The following HSPA12A variants were observed in gnomAD, a reference collection of about 807,000 sequenced individuals.
The protein encoded by HSPA12A is heat shock protein family A (Hsp70) member 12A.
A neutral mutation model predicts 69.2 loss-of-function variants in HSPA12A; 28 were observed. That is an observed-to-expected ratio of 0.40 (90% CI 0.30 to 0.55). HSPA12A has a LOEUF of 0.55. Ranked by LOEUF, HSPA12A falls within the 20% of genes least tolerant of loss-of-function variation. The pLI, the probability that HSPA12A is intolerant of heterozygous loss-of-function variation, is 0.38. For synonymous variants in HSPA12A, 345 were observed against 370.5 expected, an observed-to-expected ratio of 0.93 and a Z score of 0.79; for missense variants, 686 against 900.7, an observed-to-expected ratio of 0.76 and a Z score of 3.05.
At chr10:116,823,288 T>C (rs767701490) in intron 2 of HSPA12A, among the ~76,000 whole-genome samples, 58 of 152,200 alleles carry the variant, frequency 3.8e-4, no homozygotes, top group Non-Finnish European at 7.3e-4. Context: ...TATAAAACAC[T>C]GTTGAAAGAC....
At chr10:116,850,502 C>A (rs188534115), upstream of HSPA12A, among the ~76,000 whole-genome samples, 3 of 151,988 alleles carry the variant, frequency 2.0e-5, no homozygotes, top group Non-Finnish European at 4.4e-5. Context: ...CCTTCCAGAT[C>A]TATAAGTAGT....
chr10:116,849,603 A>T (rs1460279615), exon 1 of HSPA12A: 9 of 1,549,494 alleles, frequency 5.8e-6, no homozygotes, highest in Non-Finnish European at 7.8e-6. Context: ...CTGTGGGACC[A>T]CTAGGGAGCT....
intron 2 of HSPA12A, among the ~76,000 whole-genome samples, chr10:116,772,650 T>G (rs1564814844): frequency 6.6e-6 from 1 of 152,036 alleles, no homozygotes; most frequent in African/African-American, 2.4e-5. Context: ...GTGGTTCTTC[T>G]TTTTCTTTTC....
At chr10:116,802,550 A>G (rs1364189242) in intron 2 of HSPA12A, among the ~76,000 whole-genome samples, 1 of 152,210 alleles carries the variant, frequency 6.6e-6, no homozygotes, top group East Asian at 1.9e-4. Context: ...CACTTTGTTT[A>G]AAATACATTA....
intron 2 of HSPA12A, among the ~76,000 whole-genome samples, chr10:116,783,221 G>A (rs1242561237): frequency 4.6e-5 from 7 of 152,194 alleles, no homozygotes; most frequent in Non-Finnish European, 4.4e-5. Flanking sequence ...CCACACCATC[G>A]ACGTGGTGCT....
chr10:116,681,947 G>C (rs1197605611), intron 7 of HSPA12A, 70 bp from the exon 8 acceptor site: 3 of 1,407,914 alleles, frequency 2.1e-6, no homozygotes, highest in African/African-American at 2.8e-5. Flanking sequence ...TTTGCAGTCA[G>C]TGAAGGCAAT....
intron 1 of HSPA12A, among the ~76,000 whole-genome samples, chr10:116,841,675 G>A (rs1008621348): frequency 6.6e-6 from 1 of 151,842 alleles, no homozygotes; most frequent in Non-Finnish European, 1.5e-5. Flanking sequence ...AATCAATACA[G>A]GTAAATTTGC....
chr10:116,762,346 G>A (rs1383955621), intron 2 of HSPA12A, among the ~76,000 whole-genome samples: 1 of 152,146 alleles, frequency 6.6e-6, no homozygotes, highest in African/African-American at 2.4e-5. Context: ...CTGCTGCAAA[G>A]GTGTGTATGT....
intron 10 of HSPA12A, among the ~76,000 whole-genome samples, chr10:116,678,922 AT>A (rs1347742243): frequency 1.3e-5 from 2 of 152,180 alleles, no homozygotes; most frequent in African/African-American, 4.8e-5. Context: ...TGTAGTCATC[AT>A]TTCATGATGG....
intron 2 of HSPA12A, among the ~76,000 whole-genome samples, chr10:116,792,613 CAAAAAAA>C (rs56344323): frequency 6.5e-5 from 7 of 108,020 alleles, no homozygotes; most frequent in Non-Finnish European, 1.1e-4. Context: ...CTTGCATCTA[CAAAAAAA>C]AAAAAAAAAA....
chr10:116,799,353 T>C (rs58421628), intron 2 of HSPA12A, among the ~76,000 whole-genome samples: 8,358 of 152,314 alleles, frequency 0.055, 564 homozygotes, highest in African/African-American at 0.16. Context: ...ACTCAACAGC[T>C]TATTTTGTTT....
intron 2 of HSPA12A, among the ~76,000 whole-genome samples, chr10:116,792,375 T>C (rs935539230): frequency 6.6e-6 from 1 of 151,262 alleles, no homozygotes; most frequent in Non-Finnish European, 1.5e-5. Context: ...TGAAAGTAGA[T>C]GAAGCAGAGG....
Position 116,710,707 on chromosome 10 carries a change from A to T in HSPA12A, c.41-3422T>A, listed in dbSNP as rs931607790. On this transcript the variant is annotated intron_variant, in intron 1 of 11. Coordinates refer to ENST00000369209, the MANE Select transcript of HSPA12A (RefSeq NM_025015.3). The surrounding 1 kb of genome is among the most constrained non-coding windows in gnomAD (Gnocchi z 4.1). ...AAACTGATCTGCACAGAAGGTATGGAGGGGTAACATTTTCAGAGATACCTG... is the reference window on the plus strand; with the variant it reads ...AAACTGATCTGCACAGAAGGTATGGTGGGGTAACATTTTCAGAGATACCTG... 6.6e-6 allele frequency among the ~76,000 whole-genome samples: 1 copy of T among 152,220 alleles called. No homozygotes were observed. The highest frequency in any genetic ancestry group is 1.5e-5 in the Non-Finnish European group (1 of 68,048).
At chr10:116,783,060 C>T (rs880903) in intron 2 of HSPA12A, among the ~76,000 whole-genome samples, 67,696 of 152,052 alleles carry the variant, frequency 0.45, 15,180 homozygotes, top group Admixed American at 0.46. Flanking sequence ...GCCTTTCCCA[C>T]GTAATCCACA....
Position 116,683,959 on chromosome 10 carries a change from C to T in HSPA12A, c.667G>A (p.Gly223Ser). Residue 223 changes from glycine (G) to serine (S), a missense_variant, in exon 7 of 12, where the codon GGC (glycine) becomes AGC (serine). Transcript: ENST00000369209. ...TCCGAGTTCTCGGGGGAGGCCAGGC[C>T]TGCCTGGAAGACAGAAACAGAGGCT... ...QFMRQAAYQA[G>S]LASPENSEQL... 1 of 1,570,532 alleles carries T rather than the reference C, an allele frequency of 6.4e-7. No homozygotes were observed. Among genetic ancestry groups the T allele is most frequent in the South Asian group, 1.1e-5 (1 of 88,458 alleles).
At chr10:116,752,283 G>C (rs1554888445) in intron 2 of HSPA12A, among the ~76,000 whole-genome samples, 1 of 152,220 alleles carries the variant, frequency 6.6e-6, no homozygotes, top group East Asian at 1.9e-4. Context: ...AACAATTCAA[G>C]GAAATGGGGC....
At chr10:116,783,223 C>T (rs904359794) in intron 2 of HSPA12A, among the ~76,000 whole-genome samples, 3 of 152,194 alleles carry the variant, frequency 2.0e-5, no homozygotes, top group Admixed American at 6.5e-5. Flanking sequence ...ACACCATCGA[C>T]GTGGTGCTGT....
chr10:116,742,828 T>C (rs1359808463), upstream of HSPA12A, among the ~76,000 whole-genome samples: 2 of 150,388 alleles, frequency 1.3e-5, no homozygotes, highest in Non-Finnish European at 3.0e-5. Flanking sequence ...GCGGCGGGGG[T>C]AGTGGCGCGC....
intron 1 of HSPA12A, among the ~76,000 whole-genome samples, chr10:116,718,936 C>T (rs1370307749): frequency 5.3e-5 from 8 of 151,826 alleles, no homozygotes; most frequent in East Asian, 3.9e-4. Context: ...ATTTATGAAT[C>T]GACACGAGAT....
Sources: allele counts gnomAD v4.1 joint callset (sites outside exome capture counted in the v4.1 genomes callset), GRCh38; gene constraint gnomAD v4.1.1; non-coding constraint Gnocchi (gnomAD v3.1); transcripts MANE v1.5; gene names NCBI Gene and HGNC (gene_info 2026-07-23, HGNC 2026-07-21).